The following TRMU variants were observed in gnomAD, a reference collection of about 807,000 sequenced individuals.
The protein encoded by TRMU is mitochondrial tRNA-specific 2-thiouridylase 1.
Under a neutral mutation model 46.9 loss-of-function variants are expected in TRMU, and 49 were observed. The observed-to-expected ratio is 1.05, with a 90% confidence interval of 0.83 to 1.33. TRMU has a LOEUF of 1.33. Ranked by LOEUF, TRMU falls within the 40% of genes most tolerant of loss-of-function variation. The pLI is 0.00. For missense variants in TRMU, 572 were observed against 532.4 expected, an observed-to-expected ratio of 1.07 and a Z score of -0.73; for synonymous variants, 241 against 200.9, an observed-to-expected ratio of 1.20 and a Z score of -1.69.
intron 5 of TRMU, 89 bp from the exon 6 acceptor site, chr22:46,352,032 G>A (rs1043805217): frequency 4.1e-6 from 6 of 1,451,466 alleles, no homozygotes; most frequent in Non-Finnish European, 2.9e-6. Context: ...GTGAGGCCGG[G>A]AGGCCCCAGG....
At chr22:46,340,453 A>G (rs1425674069) in intron 2 of TRMU, among the ~76,000 whole-genome samples, 1 of 152,202 alleles carries the variant, frequency 6.6e-6, no homozygotes, top group African/African-American at 2.4e-5. Context: ...CGATTTTTGA[A>G]GTTTAGCTCA....
chr22:46,354,064 T>C, intron 8 of TRMU, 197 bp downstream of exon 8: 1 of 566,366 alleles, frequency 1.8e-6, no homozygotes, highest in Non-Finnish European at 3.2e-6. Context: ...TTCATTAGGC[T>C]GAGTTGTATG....
At chr22:46,355,686 C>G (rs1446749657) in intron 9 of TRMU, 98 bp downstream of exon 9, 1 of 1,584,486 alleles carries the variant, frequency 6.3e-7, no homozygotes, top group Non-Finnish European at 8.6e-7. Flanking sequence ...GTAGGAAAGT[C>G]CCGTTGTGGA....
Position 46,336,667 on chromosome 22 carries a change from G to C in TRMU, c.82+821G>C, listed in dbSNP as rs1460052921. ...TGAGTACGTGCTCAGCACATACGAG[G>C]TACGCAGAAAACAGTAGTGGCTATT... On this transcript the variant is annotated intron_variant, in intron 1 of 10. Coordinates refer to ENST00000645190, the MANE Select transcript of TRMU (RefSeq NM_018006.5). The surrounding 1 kb of genome is among the most constrained non-coding windows in gnomAD (Gnocchi z 4.1). 2.0e-5 allele frequency: 3 copies of C among 152,256 alleles called. No homozygotes were observed. The highest frequency in any genetic ancestry group is 2.9e-5 in the Non-Finnish European group (2 of 68,074). The allele number at this position is 152,256 out of a possible 1,614,324, so 9.4% of individuals were successfully genotyped here. A position where few individuals can be genotyped will look rare whatever the true frequency, so the allele number is the denominator to read the frequency against.
In TRMU at chr22:46,356,563, G is replaced by C. The variant is rs909366562; in HGVS notation, c.1102-279G>C. 14 of 521,102 alleles carry C rather than the reference G, an allele frequency of 2.7e-5. No homozygotes were observed. The East Asian group carries it at 4.3e-4, about 16-fold the overall frequency. 32.3% of individuals were successfully genotyped at this position (521,102 alleles called of 1,614,324 possible). ...TCACAGCTCCACATTCCCAAGGGGT[G>C]CAGAGACCTGCCAGTCCCTTGGAGT... On this transcript the variant is annotated intron_variant, in intron 10 of 10. Transcript: ENST00000645190.
chr22:46,341,857 T>C (rs1048979369), intron 2 of TRMU, among the ~76,000 whole-genome samples: 8 of 152,214 alleles, frequency 5.3e-5, no homozygotes, highest in African/African-American at 1.2e-4. Flanking sequence ...GTTTGTCACC[T>C]GAGGATAGTA....
intron 9 of TRMU, 21 bp from the exon 10 acceptor site, chr22:46,355,969 G>GT (rs1348396628): frequency 6.2e-7 from 1 of 1,613,492 alleles, no homozygotes; most frequent in African/African-American, 1.3e-5. Context: ...CCCCCTCCAA[G>GT]GGCCCCTCTC....
At chr22:46,353,360 T>TG (rs1336360915) in intron 7 of TRMU, 3 of 278,260 alleles carry the variant, frequency 1.1e-5, no homozygotes, top group Non-Finnish European at 2.1e-5. Flanking sequence ...GCAGAGCAGC[T>TG]GGGGGTAGCC....
rs2078049322 is a variant in TRMU, at chr22:46,338,884, A to G, written c.248+940A>G. Among the ~76,000 whole-genome samples the G allele has an allele frequency of 6.6e-6, 1 of 152,176 alleles. No individual in the cohort carries two copies. ...CCCTGCCTGAGTGGGCTTTAGGGGC[A>G]GAAGAGCCTTGGGTTGAGTCCTGAC... is the stretch of plus-strand genomic sequence containing the variant. On this transcript the variant is annotated intron_variant, in intron 2 of 10. Transcript: ENST00000645190. The surrounding 1 kb of genome is among the most constrained non-coding windows in gnomAD (Gnocchi z 4.5).
intron 7 of TRMU, 42 bp downstream of exon 7, chr22:46,352,372 A>G (rs2078457503): frequency 6.2e-7 from 1 of 1,606,770 alleles, no homozygotes; most frequent in Non-Finnish European, 8.5e-7. Context: ...AAATGCCTAG[A>G]GCTGTGGCGT....
rs1047822710 is a variant in TRMU at position 46,347,997 on chromosome 22, A to G, written c.478+1453A>G. On this transcript the variant is annotated intron_variant, in intron 4 of 10. Coordinates refer to ENST00000645190, the MANE Select transcript of TRMU (RefSeq NM_018006.5). This position sits in a 1 kb window ranked among gnomAD's most constrained non-coding sequence, Gnocchi z 5.0. ...TGCCACAGGGTGATCAGGTAACTGTACTGACTTGAGCCCAGAGAAGAGCAG... is the reference window on the plus strand; with the variant it reads ...TGCCACAGGGTGATCAGGTAACTGTGCTGACTTGAGCCCAGAGAAGAGCAG... Among the ~76,000 whole-genome samples the G allele has an allele frequency of 6.6e-6, 1 of 152,052 alleles. No homozygotes were observed. The highest frequency in any genetic ancestry group is 2.4e-5 in the African/African-American group (1 of 41,406).
rs956018032 is a variant in TRMU at position 46,337,916 on chromosome 22, G to A, written c.220G>A (p.Val74Ile). The A allele has an allele frequency of 5.0e-6, 8 of 1,614,066 alleles. No homozygotes were observed. Among genetic ancestry groups the A allele is most frequent in the South Asian group, 3.3e-5 (3 of 91,082 alleles). The change falls in exon 2 of 11, where the codon GTA (valine) becomes ATA (isoleucine). Residue 74 changes from valine to isoleucine, a missense_variant. By Grantham distance (29) the Val-to-Ile change is conservative. Transcript: ENST00000645190. Reference sequence around the variant, plus strand: ...CATCCCTTTCCATCAAGTGTCCTACGTAAAGGAGTATTGGAATGATGTGTT... The same window carrying A: ...CATCCCTTTCCATCAAGTGTCCTACATAAAGGAGTATTGGAATGATGTGTT... The part of the protein sequence containing the change: ...LDIPFHQVSY[V>I]KEYWNDVFSD...
At chr22:46,355,211 C>G in intron 8 of TRMU, 1 of 641,740 alleles carries the variant, frequency 1.6e-6, no homozygotes, top group African/African-American at 1.8e-5. Flanking sequence ...CTCTTGCCCA[C>G]TCTGACATGG....
At chr22:46,343,230 C>A in intron 2 of TRMU, 32 bp from the exon 3 acceptor site, 2 of 1,404,354 alleles carry the variant, frequency 1.4e-6, no homozygotes, top group Non-Finnish European at 2.0e-6. Context: ...ATGTTTCACA[C>A]TTGGAACTGA....
intron 2 of TRMU, among the ~76,000 whole-genome samples, chr22:46,341,760 T>G (rs1290888723): frequency 6.6e-6 from 1 of 152,190 alleles, no homozygotes. Flanking sequence ...CCATGTTCAG[T>G]CAGTCTGTTA....
At chr22:46,356,503 GAAGCATCCTCTGGCTGCCACCA>G in intron 10 of TRMU, 1 of 436,922 alleles carries the variant, frequency 2.3e-6, no homozygotes, top group Non-Finnish European at 4.2e-6. Flanking sequence ...GAGGGAAGCG[GAAGCATCCTCTGGCTGCCACCA>G]TGCTCCTTCC....
rs1417288405 is a variant in TRMU, at chr22:46,339,005, G to C, written c.248+1061G>C. Among the ~76,000 whole-genome samples, 1 of 152,108 alleles carries C rather than the reference G, an allele frequency of 6.6e-6. No homozygotes were observed. The highest frequency in any genetic ancestry group is 1.9e-4 in the East Asian group (1 of 5,204). On this transcript the variant is annotated intron_variant, in intron 2 of 10. Coordinates refer to ENST00000645190, the MANE Select transcript of TRMU (RefSeq NM_018006.5). The surrounding 1 kb of genome is among the most constrained non-coding windows in gnomAD (Gnocchi z 4.8). The stretch of plus-strand genomic sequence containing the variant: ...TTCCTGCCAACAAAGACCCAGAAGA[G>C]ATACTTGACTTTTCTAAGCCCCAAT...
chr22:46,346,615 G>A, intron 4 of TRMU, 71 bp downstream of exon 4: 4 of 1,558,004 alleles, frequency 2.6e-6, no homozygotes, highest in Non-Finnish European at 3.5e-6. Flanking sequence ...AATGACAGTG[G>A]GTTGTGCCTG....
rs1569060168 is a variant in TRMU, at chr22:46,337,829, C to T, written c.133C>T (p.His45Tyr). The part of the protein sequence containing the change: ...FMKNWDSLDE[H>Y]GVCTADKDCE... The stretch of plus-strand genomic sequence containing the variant: ...GAAGAACTGGGACTCACTGGATGAA[C>T]ATGGGGTCTGTACTGCCGACAAAGA... Residue 45 changes from histidine to tyrosine, a missense_variant, in exon 2 of 11, where the codon CAT (histidine) becomes TAT (tyrosine). His to Tyr is a moderately conservative substitution (Grantham distance 83). Transcript: ENST00000645190. 1.2e-6 allele frequency: 2 copies of T among 1,614,218 alleles called. No homozygotes were observed. Among genetic ancestry groups the T allele is most frequent in the Non-Finnish European group, 1.7e-6 (2 of 1,180,042 alleles).
Sources: gnomAD v4.1 joint callset for allele counts (sites outside exome capture counted in the v4.1 genomes callset) on GRCh38, gnomAD v4.1.1 for gene constraint, Gnocchi (gnomAD v3.1) non-coding constraint, MANE v1.5 for transcripts, NCBI Gene and HGNC (gene_info 2026-07-23, HGNC 2026-07-21) for gene names.